Variants in ZNF737 observed in about 807,000 individuals in gnomAD.
ZNF737 encodes zinc finger protein 737, also known as zinc finger protein 102 (Y3).
A neutral mutation model predicts 11.7 loss-of-function variants in ZNF737; 13 were observed. That is an observed-to-expected ratio of 1.11 (90% CI 0.73 to 1.77). ZNF737 has a LOEUF of 1.77. Ranked by LOEUF, ZNF737 falls within the 40% of genes most tolerant of loss-of-function variation. ZNF737 has a pLI of 0.00. For missense variants in ZNF737, 636 were observed against 638.0 expected (o/e 1.00, Z 0.03); for synonymous variants, 217 against 216.2 (o/e 1.00, Z -0.03).
At position 20,543,836 on chromosome 19, in the gene ZNF737, G is replaced by A. The variant is rs77500459; in HGVS notation, c.*756C>T. 4,391 of 985,342 alleles carry A rather than the reference G, an allele frequency of 4.5e-3. 155 individuals carry two copies. In the African/African-American group the frequency reaches 0.07, roughly 16 times the overall value. The allele number at this position is 985,342 out of a possible 1,614,324, so 61.0% of individuals were successfully genotyped here. On this transcript the variant is annotated 3_prime_UTR_variant, in exon 4 of 4. Coordinates refer to ENST00000427401, the MANE Select transcript of ZNF737 (RefSeq NM_001159293.2). ...ATTATTGCCATGCCTCTTAAGAATT[G>A]AGAACTTGTGGCTGGGCGTCGTGGC...
chr19:20,538,014 T>C lies in ZNF737; in HGVS notation c.*6578A>G. 1.0e-6 allele frequency: 1 copy of C among 962,466 alleles called. No homozygotes were observed. The highest frequency in any genetic ancestry group is 1.2e-6 in the Non-Finnish European group (1 of 809,074). The allele number at this position is 962,466 out of a possible 1,614,324, so 59.6% of individuals were successfully genotyped here. A position where few individuals can be genotyped will look rare whatever the true frequency, so the allele number is the denominator to read the frequency against. On this transcript the variant is annotated 3_prime_UTR_variant, in exon 4 of 4. Coordinates refer to ENST00000427401, the MANE Select transcript of ZNF737 (RefSeq NM_001159293.2). ...GAGTAAGATTTATAACATTTTATTA[T>C]CATATGGAAGAAGTGTATTAACCAT...
intron 1 of ZNF737, among the ~76,000 whole-genome samples, chr19:20,562,681 C>T (rs1969142944): frequency 1.3e-5 from 2 of 152,056 alleles, no homozygotes; most frequent in Admixed American, 1.3e-4. Flanking sequence ...TCTTGAACAC[C>T]TGACCTCAGG....
chr19:20,552,616 A>G (rs1599422284), intron 2 of ZNF737, 46 bp from the exon 3 acceptor site: 4 of 1,378,974 alleles, frequency 2.9e-6, no homozygotes, highest in Non-Finnish European at 4.0e-6. Flanking sequence ...CATATTCTCC[A>G]ATTACAAGCT....
chr19:20,534,474 T>TATCTATCTATCTATC (rs1555753466), downstream of ZNF737, among the ~76,000 whole-genome samples: 75 of 149,556 alleles, frequency 5.0e-4, 5 homozygotes, highest in African/African-American at 1.8e-3. Flanking sequence ...TCTATCTATC[T>TATCTATCTATCTATC]ATCTATCTAT....
chr19:20,532,577 G>T (rs1264922029), downstream of ZNF737, among the ~76,000 whole-genome samples: 12 of 147,060 alleles, frequency 8.2e-5, 2 homozygotes, highest in African/African-American at 2.0e-4. Context: ...GCTCAGTGAA[G>T]ATTTATTCAA....
chr19:20,537,556 G>A (rs145968163), downstream of ZNF737, among the ~76,000 whole-genome samples: 8,700 of 120,530 alleles, frequency 0.072, 335 homozygotes, highest in Middle Eastern at 0.25. Context: ...CTCATCTGTC[G>A]CCCAGGCTGG....
At chr19:20,565,215 G>C (rs1969250704) in intron 1 of ZNF737, among the ~76,000 whole-genome samples, 1 of 152,164 alleles carries the variant, frequency 6.6e-6, no homozygotes, top group African/African-American at 2.4e-5. Context: ...GATTACAGGC[G>C]TGAACGACTG....
rs1420500957 is a variant in ZNF737, at chr19:20,538,966, G to A, written c.*5626C>T. On this transcript the variant is annotated 3_prime_UTR_variant, in exon 4 of 4. Coordinates refer to ENST00000427401, the MANE Select transcript of ZNF737 (RefSeq NM_001159293.2). ...CAGTGTTAAAGCAAATCAGAGAAGAGCAATGTGTGTACATAATGTGCATTT... is the reference window on the plus strand; with the variant it reads ...CAGTGTTAAAGCAAATCAGAGAAGAACAATGTGTGTACATAATGTGCATTT... The A allele has an allele frequency of 1.0e-6, 1 of 985,240 alleles. No homozygotes were observed. Among genetic ancestry groups the A allele is most frequent in the African/African-American group, 1.7e-5 (1 of 57,228 alleles). 61.0% of individuals were successfully genotyped at this position (985,240 alleles called of 1,614,324 possible).
chr19:20,549,213 A>G (rs1379793441), intron 3 of ZNF737, among the ~76,000 whole-genome samples: 2 of 152,188 alleles, frequency 1.3e-5, no homozygotes, highest in Admixed American at 1.3e-4. Context: ...ATTATGATAG[A>G]TATGCATAAT....
chr19:20,531,587 C>T (rs778969060), downstream of ZNF737, among the ~76,000 whole-genome samples: 1 of 149,354 alleles, frequency 6.7e-6, no homozygotes, highest in Non-Finnish European at 1.5e-5. Context: ...TCCCTAGTAG[C>T]TGGGATTACA....
chr19:20,542,826 T>A lies in ZNF737; in HGVS notation c.*1766A>T, dbSNP rs553599102. On this transcript the variant is annotated 3_prime_UTR_variant, in exon 4 of 4. Coordinates refer to ENST00000427401, the MANE Select transcript of ZNF737 (RefSeq NM_001159293.2). Reference sequence around the variant, plus strand: ...TCTGATGCAGAAGCCACTGATCACATGCTTTCTCACATGTGAATAGAAATA... The same window carrying A: ...TCTGATGCAGAAGCCACTGATCACAAGCTTTCTCACATGTGAATAGAAATA... 2 of 985,392 alleles carry A rather than the reference T, an allele frequency of 2.0e-6. No individual in the cohort carries two copies. Among genetic ancestry groups the A allele is most frequent in the East Asian group, 2.3e-4 (2 of 8,814 alleles). The allele number at this position is 985,392 out of a possible 1,614,324, so 61.0% of individuals were successfully genotyped here. A position where few individuals can be genotyped will look rare whatever the true frequency, so the allele number is the denominator to read the frequency against.
Position 20,542,233 on chromosome 19 carries a change from CTTT to C in ZNF737, c.*2356_*2358del, listed in dbSNP as rs59919656. 2.6e-6 allele frequency: 2 copies of C among 779,496 alleles called. No individual in the cohort carries two copies. The highest frequency in any genetic ancestry group is 3.1e-6 in the Non-Finnish European group (2 of 642,988). 48.3% of individuals were successfully genotyped at this position (779,496 alleles called of 1,614,324 possible). On this transcript the variant is annotated 3_prime_UTR_variant, in exon 4 of 4. Transcript: ENST00000427401. ...TTAAGTTCACAAATAATCTAACAAA[CTTT>C]TTTTTTTTTGAGACAGAGTTTTGCT...
Position 20,546,121 on chromosome 19 carries a change from T to G in ZNF737, c.227-145A>C, listed in dbSNP as rs995245901. 9 of 1,149,782 alleles carry G rather than the reference T, an allele frequency of 7.8e-6. No homozygotes were observed. The African/African-American group carries it at 1.4e-4, about 18-fold the overall frequency. 71.2% of individuals were successfully genotyped at this position (1,149,782 alleles called of 1,614,324 possible). A position where few individuals can be genotyped will look rare whatever the true frequency, so the allele number is the denominator to read the frequency against. ...AAACTGTAATTTCTTCCTGGATACA[T>G]AAATGTAACAAAAGTGGACTGCCCA... is the stretch of plus-strand genomic sequence containing the variant. On this transcript the variant is annotated intron_variant, in intron 3 of 3. Coordinates refer to ENST00000427401, the MANE Select transcript of ZNF737 (RefSeq NM_001159293.2).
At position 20,542,766 on chromosome 19, in the gene ZNF737, C is replaced by A. The variant is rs769699473; in HGVS notation, c.*1826G>T. 44 of 984,880 alleles carry A rather than the reference C, an allele frequency of 4.5e-5. No individual in the cohort carries two copies. Among genetic ancestry groups the A allele is most frequent in the Non-Finnish European group, 4.6e-5 (38 of 829,652 alleles). The allele number at this position is 984,880 out of a possible 1,614,324, so 61.0% of individuals were successfully genotyped here. A position where few individuals can be genotyped will look rare whatever the true frequency, so the allele number is the denominator to read the frequency against. ...GTTCTTACTATTTTATAGAAAAAGTCATAATGTCCAAATAATGTAAAAAAA... is the reference window on the plus strand; with the variant it reads ...GTTCTTACTATTTTATAGAAAAAGTAATAATGTCCAAATAATGTAAAAAAA... On this transcript the variant is annotated 3_prime_UTR_variant, in exon 4 of 4. Transcript: ENST00000427401.
At chr19:20,549,500 T>C (rs1968587565) in intron 3 of ZNF737, among the ~76,000 whole-genome samples, 1 of 151,958 alleles carries the variant, frequency 6.6e-6, no homozygotes, top group Non-Finnish European at 1.5e-5. Context: ...TGGTGGCTCA[T>C]GCCTGTAGTC....
In ZNF737 at chr19:20,553,016, A is replaced by G. The variant is rs1471210525; in HGVS notation, c.131-446T>C. Among the ~76,000 whole-genome samples, 6 of 151,328 alleles carry G rather than the reference A, an allele frequency of 4.0e-5. No individual in the cohort carries two copies. In the South Asian group the frequency reaches 6.2e-4, roughly 16 times the overall value. On this transcript the variant is annotated intron_variant, in intron 2 of 3. Transcript: ENST00000427401. ...GACAGAGTGAGACTCTGTCCCCGAAAAAAAAAAAAAAAAAAAAGAAAAAGA... is the reference window on the plus strand; with the variant it reads ...GACAGAGTGAGACTCTGTCCCCGAAGAAAAAAAAAAAAAAAAAGAAAAAGA...
downstream of ZNF737, among the ~76,000 whole-genome samples, chr19:20,531,259 AGAGGG>A (rs143680845): frequency 0.012 from 1,320 of 113,432 alleles, 88 homozygotes; most frequent in African/African-American, 0.042. Context: ...GGGAGAGGGG[AGAGGG>A]GAGGGGAGAG....
chr19:20,545,266 A>G lies in ZNF737; in HGVS notation c.937T>C (p.Tyr313His), dbSNP rs782636889. ...GCTTTGCCACATTCTTCACATTTGT[A>G]GGGTTTCTCTCCGCTATGAATTATC... ...HKIIHSGEKP[Y>H]KCEECGKAFK... Residue 313 changes from tyrosine to histidine, a missense_variant, in exon 4 of 4, where the codon TAC becomes CAC. Physicochemically the swap from Tyr to His is moderately conservative, Grantham distance 83 (BLOSUM62 2). Transcript: ENST00000427401. 4.3e-6 allele frequency: 7 copies of G among 1,613,290 alleles called. No homozygotes were observed. In the Middle Eastern group the frequency reaches 5.0e-4, roughly 114 times the overall value.
In ZNF737 at chr19:20,545,427, C is replaced by T. The variant is rs1555756682; in HGVS notation, c.776G>A (p.Cys259Tyr). ...IIHSGEKPYK[C>Y]EECGKAFKRS... ...CTTAAAGGCCTTGCCACATTCTTCA[C>T]ATTTGTAGGGTTTCTCTCCACTATG... The change falls in exon 4 of 4, where the codon TGT (cysteine) becomes TAT (tyrosine). Residue 259 changes from cysteine to tyrosine, a missense_variant. Transcript: ENST00000427401. 6.8e-6 allele frequency: 11 copies of T among 1,613,826 alleles called. No homozygotes were observed. The East Asian group carries it at 2.0e-4, about 29-fold the overall frequency.
Sources: allele counts gnomAD v4.1 joint callset (sites outside exome capture counted in the v4.1 genomes callset), GRCh38; gene constraint gnomAD v4.1.1; transcripts MANE v1.5; gene names NCBI Gene and HGNC (gene_info 2026-07-23, HGNC 2026-07-21).